KLHL7: variants seen among roughly 807,000 people sequenced by gnomAD.
KLHL7 encodes kelch-like protein 7.
A neutral mutation model predicts 67.4 loss-of-function variants in KLHL7; 44 were observed. The observed-to-expected ratio is 0.65, with a 90% CI of 0.51 to 0.84. KLHL7 has a LOEUF of 0.84. Among genes scored for constraint, KLHL7 ranks in the 40% least tolerant of loss-of-function variants. KLHL7 has a pLI of 0.00. For synonymous variants in KLHL7, 252 were observed against 243.3 expected, an observed-to-expected ratio of 1.04 and a Z score of -0.33; for missense variants, 362 against 718.1, an observed-to-expected ratio of 0.50 and a Z score of 5.67.
intron 7 of KLHL7, among the ~76,000 whole-genome samples, chr7:23,155,668 C>T (rs77874790): frequency 1.4e-5 from 2 of 143,362 alleles, no homozygotes; most frequent in Non-Finnish European, 3.1e-5. Flanking sequence ...ACCAAAAAAA[C>T]AAAACAAAAC....
rs1352648525 is a variant in KLHL7, at chr7:23,117,687, T to C, written c.121-6090T>C. On this transcript the variant is annotated intron_variant, in intron 1 of 10. Transcript: ENST00000339077. ...GTTCAATCCTGTTTTTCTCTGCTTT[T>C]CTGACAAATGTGATTTCTAGAGAAG... The C allele has an allele frequency of 3.9e-6, 3 of 766,788 alleles. No individual in the cohort carries two copies. The Admixed American group carries it at 9.0e-5, about 23-fold the overall frequency. 47.5% of individuals were successfully genotyped at this position (766,788 alleles called of 1,614,324 possible). A position where few individuals can be genotyped will look rare whatever the true frequency, so the allele number is the denominator to read the frequency against.
chr7:23,140,698 C>T, intron 4 of KLHL7, 71 bp from the exon 5 acceptor site: 1 of 1,276,596 alleles, frequency 7.8e-7, no homozygotes, highest in Non-Finnish European at 1.1e-6. Context: ...TGAAGTCATG[C>T]TTCATCTTGA....
intron 6 of KLHL7, among the ~76,000 whole-genome samples, chr7:23,151,650 C>T (rs1194231414): frequency 6.6e-6 from 1 of 152,100 alleles, no homozygotes; most frequent in Admixed American, 6.5e-5. Context: ...TAAACACTAC[C>T]TAGAGATTTT....
intron 1 of KLHL7, among the ~76,000 whole-genome samples, chr7:23,119,405 A>C (rs1186704996): frequency 2.6e-5 from 4 of 152,130 alleles, no homozygotes; most frequent in Admixed American, 2.6e-4. Context: ...GGGTTTCGCC[A>C]TGTTGGCCAG....
intron 4 of KLHL7, among the ~76,000 whole-genome samples, chr7:23,136,117 A>G (rs772764307): frequency 4.6e-5 from 7 of 152,054 alleles, no homozygotes; most frequent in Non-Finnish European, 1.0e-4. Context: ...GCTGGTGTCT[A>G]CAACAAGTTA....
chr7:23,112,091 ATAACT>A (rs1224971125), intron 1 of KLHL7, among the ~76,000 whole-genome samples: 5 of 152,236 alleles, frequency 3.3e-5, no homozygotes, highest in Non-Finnish European at 7.3e-5. Flanking sequence ...CCAAATTAAG[ATAACT>A]TAAAATACGA....
intron 4 of KLHL7, among the ~76,000 whole-genome samples, chr7:23,137,156 G>A (rs1424271049): frequency 2.0e-5 from 3 of 152,124 alleles, no homozygotes; most frequent in African/African-American, 7.2e-5. Flanking sequence ...ATGGTGGTGT[G>A]TGCCTATAAT....
chr7:23,173,831 G>A (rs932675293), intron 10 of KLHL7, among the ~76,000 whole-genome samples, 184 bp from the exon 11 acceptor site: 1 of 152,198 alleles, frequency 6.6e-6, no homozygotes, highest in African/African-American at 2.4e-5. Flanking sequence ...AATGTCTATT[G>A]TGTTAAGAGT....
chr7:23,124,224 C>CAAAAAAA (rs1783474617), intron 2 of KLHL7, among the ~76,000 whole-genome samples: 1 of 81,850 alleles, frequency 1.2e-5, no homozygotes, highest in African/African-American at 4.8e-5. Flanking sequence ...AAAAAAAAAG[C>CAAAAAAA]CCAGGGTTTT....
intron 1 of KLHL7, among the ~76,000 whole-genome samples, chr7:23,114,947 C>A (rs910564292): frequency 9.2e-5 from 14 of 152,166 alleles, no homozygotes; most frequent in African/African-American, 3.4e-4. Context: ...GATTAAATTC[C>A]AACATCTATG....
At chr7:23,143,297 A>G (rs952756884) in intron 5 of KLHL7, among the ~76,000 whole-genome samples, 1 of 152,202 alleles carries the variant, frequency 6.6e-6, no homozygotes, top group Admixed American at 6.5e-5. Context: ...CAACAGTATT[A>G]TTTTGGAAGA....
At chr7:23,113,014 CA>C (rs1403356548) in intron 1 of KLHL7, among the ~76,000 whole-genome samples, 4 of 151,934 alleles carry the variant, frequency 2.6e-5, no homozygotes, top group Admixed American at 6.6e-5. Flanking sequence ...TAATCTCAGA[CA>C]GGGGTGGCGG....
At position 23,121,746 on chromosome 7, in the gene KLHL7, G is replaced by A. The variant is rs537201582; in HGVS notation, c.121-2031G>A. On this transcript the variant is annotated intron_variant, in intron 1 of 10. Transcript: ENST00000339077. ...TGCCCAGGCTGGAGTGCAGTGGCTC[G>A]ATCTCAGCTCACTGCAAGCTCCGCC... Among the ~76,000 whole-genome samples, 4 of 146,956 alleles carry A rather than the reference G, an allele frequency of 2.7e-5. No individual in the cohort carries two copies. The South Asian group carries it at 6.5e-4, about 24-fold the overall frequency.
In KLHL7 at chr7:23,125,134, A is replaced by G. The variant is rs1261837069; in HGVS notation, c.404A>G (p.Asp135Gly). 6.2e-7 allele frequency: 1 copy of G among 1,613,592 alleles called. No individual in the cohort carries two copies. Among genetic ancestry groups the G allele is most frequent in the South Asian group, 1.1e-5 (1 of 91,056 alleles). ...GAACCTGTGAAGAAAATGTGTGTTG[A>G]TTTTTTGAAAGAACAAGTTGATGCT... ...QIEPVKKMCV[D>G]FLKEQVDASN... Residue 135 changes from aspartate (D) to glycine (G), a missense_variant, in exon 4 of 11, where the codon GAT becomes GGT. Asp to Gly is a moderately conservative substitution (Grantham distance 94, BLOSUM62 -1). This residue lies in a region of KLHL7 where 155 missense variants were observed against 280.8 expected (regional missense o/e 0.55). Transcript: ENST00000339077.
chr7:23,156,066 G>C (rs1036097475), intron 7 of KLHL7: 1 of 449,848 alleles, frequency 2.2e-6, no homozygotes, highest in East Asian at 7.1e-5. Flanking sequence ...TTGTTGTCTT[G>C]CCTTGCTCTT....
intron 2 of KLHL7, among the ~76,000 whole-genome samples, chr7:23,124,348 T>G (rs1243442549): frequency 6.6e-6 from 1 of 152,182 alleles, no homozygotes; most frequent in Admixed American, 6.5e-5. Flanking sequence ...GAAAGAACCC[T>G]GGATTTGGTG....
At position 23,121,680 on chromosome 7, in the gene KLHL7, CT is replaced by C. The variant is rs72158823; in HGVS notation, c.121-2081del. Among the ~76,000 whole-genome samples the C allele has an allele frequency of 5.8e-3, 775 of 134,154 alleles. 5 individuals are homozygous for C. The highest frequency in any genetic ancestry group is 0.014 in the African/African-American group (486 of 35,586). 88.0% of individuals were successfully genotyped at this position (134,154 alleles called of 152,430 possible). On this transcript the variant is annotated intron_variant, in intron 1 of 10. Transcript: ENST00000339077. Reference sequence around the variant, plus strand: ...CCTTTCACTATAGGTCAGTCCCATCCTTTTTTTTTTTTTTTTAGTTGAGATA... The same window carrying C: ...CCTTTCACTATAGGTCAGTCCCATCCTTTTTTTTTTTTTTTAGTTGAGATA...
At chr7:23,117,533 T>A (rs892345201) in intron 1 of KLHL7, among the ~76,000 whole-genome samples, 4 of 152,228 alleles carry the variant, frequency 2.6e-5, no homozygotes, top group Non-Finnish European at 5.9e-5. Flanking sequence ...GCAAAGCTGT[T>A]TGGCCTGACC....
At chr7:23,166,841 G>GT (rs1785017024) in intron 8 of KLHL7, among the ~76,000 whole-genome samples, 2 of 151,976 alleles carry the variant, frequency 1.3e-5, no homozygotes, top group Non-Finnish European at 2.9e-5. Flanking sequence ...TGCTAAGTGT[G>GT]TTTTTAGCTT....
Sources: gnomAD v4.1 joint callset for allele counts (sites outside exome capture counted in the v4.1 genomes callset) on GRCh38, gnomAD v4.1.1 for gene constraint, gnomAD v4.1.1 regional missense constraint, MANE v1.5 for transcripts, NCBI Gene and HGNC (gene_info 2026-07-23, HGNC 2026-07-21) for gene names.